Variants in PIK3CB observed in about 807,000 individuals in gnomAD.
PIK3CB encodes the protein phosphatidylinositol 4,5-bisphosphate 3-kinase catalytic subunit beta isoform.
In PIK3CB, 39 loss-of-function variants were observed where a neutral mutation model predicts 136.8. The observed-to-expected ratio is 0.29, with a 90% CI of 0.22 to 0.37. The LOEUF is 0.37. Ranked by LOEUF, PIK3CB falls within the 10% of genes least tolerant of loss-of-function variation. The pLI is 1.00. For synonymous variants in PIK3CB, 428 were observed against 436.6 expected (o/e 0.98, Z 0.25); for missense variants, 868 against 1,275.4 (o/e 0.68, Z 4.87).
intron 18 of PIK3CB, 99 bp from the exon 19 acceptor site, chr3:138,682,144 A>G: frequency 2.9e-6 from 2 of 687,216 alleles, no homozygotes; most frequent in South Asian, 3.7e-5. Flanking sequence ...AAACATTAAC[A>G]AACTCTGTGC....
intron 14 of PIK3CB, 21 bp from the exon 15 acceptor site, chr3:138,691,164 A>AG (rs747922846): frequency 1.2e-5 from 20 of 1,607,706 alleles, no homozygotes; most frequent in Non-Finnish European, 1.6e-5. Context: ...CAAAAGACAC[A>AG]GTGAGTAACC....
intron 2 of PIK3CB, among the ~76,000 whole-genome samples, chr3:138,762,848 T>C (rs1049385415): frequency 1.3e-5 from 2 of 151,788 alleles, no homozygotes; most frequent in Non-Finnish European, 2.9e-5. Context: ...TAATCCCAGC[T>C]ACCAGGGAGG....
At chr3:138,664,927 T>TA (rs2043376266) in intron 20 of PIK3CB, 109 bp downstream of exon 20, 1 of 630,918 alleles carries the variant, frequency 1.6e-6, no homozygotes, top group Non-Finnish European at 2.6e-6. Context: ...AAGCAATAGA[T>TA]AAAAAACACT....
At chr3:138,820,491 TTC>T (rs1933514666) in intron 1 of PIK3CB, among the ~76,000 whole-genome samples, 1 of 152,198 alleles carries the variant, frequency 6.6e-6, no homozygotes, top group African/African-American at 2.4e-5. Flanking sequence ...ACTTTCTTCA[TTC>T]TGTTTGTTTG....
chr3:138,744,189 C>T (rs953753635), intron 4 of PIK3CB, among the ~76,000 whole-genome samples: 1 of 151,172 alleles, frequency 6.6e-6, no homozygotes, highest in African/African-American at 2.4e-5. Flanking sequence ...GTCAGGAGTT[C>T]GAGACCAGCC....
chr3:138,747,496 A>G (rs2045384572), intron 4 of PIK3CB, among the ~76,000 whole-genome samples: 1 of 152,180 alleles, frequency 6.6e-6, no homozygotes, highest in African/African-American at 2.4e-5. Context: ...CTGCAAAATT[A>G]TTACAGTAGT....
At position 138,707,263 on chromosome 3, in the gene PIK3CB, T is replaced by C. The variant is rs1350673002; in HGVS notation, c.1426A>G (p.Met476Val). 10 of 1,605,484 alleles carry C rather than the reference T, an allele frequency of 6.2e-6. No individual in the cohort carries two copies. The highest frequency in any genetic ancestry group is 1.1e-5 in the South Asian group (1 of 88,822). ...PDELEEMLNP[M>V]GTVQTNPYTE... ...TATGGATTTGTTTGAACAGTTCCCA[T>C]TGGATTCAACATTTCTTCGAGTTCA... is the stretch of plus-strand genomic sequence containing the variant. Residue 476 changes from methionine (M) to valine (V), a missense_variant, in exon 11 of 24, where the codon ATG (methionine) becomes GTG (valine). Physicochemically the swap from Met to Val is conservative, Grantham distance 21. Coordinates refer to ENST00000674063, the MANE Select transcript of PIK3CB (RefSeq NM_006219.3).
At chr3:138,691,576 C>T (rs2044009035) in intron 14 of PIK3CB, among the ~76,000 whole-genome samples, 1 of 152,122 alleles carries the variant, frequency 6.6e-6, no homozygotes, top group African/African-American at 2.4e-5. Flanking sequence ...GTGGTTTCCC[C>T]TGCTCTTTCC....
intron 16 of PIK3CB, 144 bp from the exon 17 acceptor site, chr3:138,684,947 T>C: frequency 3.8e-6 from 2 of 529,730 alleles, no homozygotes; most frequent in Non-Finnish European, 6.5e-6. Flanking sequence ...AAATAGTGTC[T>C]GACTTACGAA....
chr3:138,685,915 T>C (rs2043881695), intron 16 of PIK3CB, among the ~76,000 whole-genome samples: 2 of 152,142 alleles, frequency 1.3e-5, no homozygotes, highest in Admixed American at 6.6e-5. Flanking sequence ...GGCAAGTGGA[T>C]GAGTTGAGGC....
chr3:138,728,392 T>G (rs1287365101), intron 8 of PIK3CB, among the ~76,000 whole-genome samples: 1 of 152,118 alleles, frequency 6.6e-6, no homozygotes, highest in East Asian at 1.9e-4. Context: ...AACAAAATAT[T>G]AATAAGTCAA....
At chr3:138,818,309 T>TAA (rs1454424828) in intron 1 of PIK3CB, among the ~76,000 whole-genome samples, 1 of 152,180 alleles carries the variant, frequency 6.6e-6, no homozygotes, top group Non-Finnish European at 1.5e-5. Flanking sequence ...CCTAAATGTC[T>TAA]AAAATCTAAC....
chr3:138,771,356 G>A lies in PIK3CB; in HGVS notation c.-16-11997C>T, dbSNP rs2045797684. Among the ~76,000 whole-genome samples the A allele has an allele frequency of 3.3e-5, 5 of 151,322 alleles. No homozygotes were observed. The Admixed American group carries it at 3.3e-4, about 10-fold the overall frequency. Reference sequence around the variant, plus strand: ...TCCTGCCTCAGCCTCCTGTGTAGCTGGGACCACAGTCGCCCGCCACCGCAA... The same window carrying A: ...TCCTGCCTCAGCCTCCTGTGTAGCTAGGACCACAGTCGCCCGCCACCGCAA... On this transcript the variant is annotated intron_variant, in intron 2 of 23. Coordinates refer to ENST00000674063, the MANE Select transcript of PIK3CB (RefSeq NM_006219.3).
At chr3:138,734,503 TC>T in intron 7 of PIK3CB, 130 bp downstream of exon 7, 1 of 521,350 alleles carries the variant, frequency 1.9e-6, no homozygotes. Context: ...TAAATGGTGA[TC>T]GATTTTTGGC....
intron 6 of PIK3CB, among the ~76,000 whole-genome samples, chr3:138,737,207 A>G (rs2045126931): frequency 6.6e-6 from 1 of 152,020 alleles, no homozygotes; most frequent in Admixed American, 6.6e-5. Context: ...AGCTTGGCCA[A>G]GATGGTGAAA....
intron 2 of PIK3CB, among the ~76,000 whole-genome samples, chr3:138,774,904 G>C (rs1231800546): frequency 6.6e-6 from 1 of 152,206 alleles, no homozygotes; most frequent in East Asian, 1.9e-4. Context: ...AATAAAGGCT[G>C]GCATTTATCC....
chr3:138,826,047 C>A (rs995631557), intron 1 of PIK3CB: 113 of 1,290,602 alleles, frequency 8.8e-5, no homozygotes, highest in Non-Finnish European at 1.2e-4. Context: ...GCTTACACAG[C>A]TTGCAAGTTT....
chr3:138,721,812 A>C (rs2108606122), intron 8 of PIK3CB, among the ~76,000 whole-genome samples: 1 of 152,264 alleles, frequency 6.6e-6, no homozygotes, highest in East Asian at 1.9e-4. Context: ...GAGAGATGAG[A>C]AGCATTATTT....
chr3:138,778,433 A>G, intron 2 of PIK3CB: 1 of 262,124 alleles, frequency 3.8e-6, no homozygotes, highest in Non-Finnish European at 7.6e-6. Flanking sequence ...CCAGAACATC[A>G]CTCCTGTACC....
Sources: allele counts gnomAD v4.1 joint callset (sites outside exome capture counted in the v4.1 genomes callset), GRCh38; gene constraint gnomAD v4.1.1; transcripts MANE v1.5; gene names NCBI Gene and HGNC (gene_info 2026-07-23, HGNC 2026-07-21).